SHISA5: variants seen among roughly 807,000 people sequenced by gnomAD.
The protein encoded by SHISA5 is shisa family member 5, also known as protein shisa-5.
SHISA5 carries 21 observed loss-of-function variants against 27.5 expected under a neutral mutation model. That is an observed-to-expected ratio of 0.76 (90% CI 0.54 to 1.10). The LOEUF (loss-of-function observed/expected upper bound fraction) is 1.10. Among genes scored for constraint, SHISA5 ranks in the 50% least tolerant of loss-of-function variants. SHISA5 has a pLI of 0.00. For missense variants in SHISA5, 314 were observed against 336.3 expected, an observed-to-expected ratio of 0.93 and a Z score of 0.52; for synonymous variants, 137 against 142.2, an observed-to-expected ratio of 0.96 and a Z score of 0.26.
At position 48,473,101 on chromosome 3, in the gene SHISA5, C is replaced by T; in HGVS notation, c.315-3258G>A. 1.3e-6 allele frequency: 2 copies of T among 1,489,184 alleles called. No homozygotes were observed. Among genetic ancestry groups the T allele is most frequent in the Non-Finnish European group, 1.8e-6 (2 of 1,126,198 alleles). 92.2% of individuals were successfully genotyped at this position (1,489,184 alleles called of 1,614,324 possible). A position where few individuals can be genotyped will look rare whatever the true frequency, so the allele number is the denominator to read the frequency against. ...TGGGCCACTCAGTTTCAATTTCCTC[C>T]CCTTTTGGAGAAAAAGAAAGCAAAT... On this transcript the variant is annotated intron_variant, in intron 3 of 5. Transcript: ENST00000296444. The surrounding 1 kb of genome is among the most constrained non-coding windows in gnomAD (Gnocchi z 4.3).
intron 3 of SHISA5, among the ~76,000 whole-genome samples, chr3:48,477,825 C>A (rs2040873877): frequency 6.6e-6 from 1 of 152,208 alleles, no homozygotes; most frequent in Admixed American, 6.5e-5. Context: ...ATGTAAGTCT[C>A]CATCCTCACC....
chr3:48,473,049 C>A lies in SHISA5; in HGVS notation c.315-3206G>T. ...TGCCTTCACCCAGAGGCCTCCTGTA[C>A]CCCTGGGCTTTCCCCTCTTCCCATC... On this transcript the variant is annotated intron_variant, in intron 3 of 5. Coordinates refer to ENST00000296444, the MANE Select transcript of SHISA5 (RefSeq NM_016479.6). The surrounding 1 kb of genome is among the most constrained non-coding windows in gnomAD (Gnocchi z 4.3). 3 of 1,531,542 alleles carry A rather than the reference C, an allele frequency of 2.0e-6. No individual in the cohort carries two copies. The highest frequency in any genetic ancestry group is 2.0e-5 in the Admixed American group (1 of 49,570). 94.9% of individuals were successfully genotyped at this position (1,531,542 alleles called of 1,614,324 possible). A position where few individuals can be genotyped will look rare whatever the true frequency, so the allele number is the denominator to read the frequency against.
In SHISA5 at chr3:48,467,987, G is replaced by A. The variant is rs1287590296; in HGVS notation, c.*1120C>T. 1.5e-5 allele frequency: 4 copies of A among 273,330 alleles called. No homozygotes were observed. The highest frequency in any genetic ancestry group is 1.9e-5 in the Non-Finnish European group (3 of 156,322). 16.9% of individuals were successfully genotyped at this position (273,330 alleles called of 1,614,324 possible). A position where few individuals can be genotyped will look rare whatever the true frequency, so the allele number is the denominator to read the frequency against. The stretch of plus-strand genomic sequence containing the variant: ...ACAGTAATAGAGGGAGGAGGAACAC[G>A]AGGTATTCATGTCTGGGCCAGAGCT... On this transcript the variant is annotated 3_prime_UTR_variant, in exon 6 of 6. Coordinates refer to ENST00000296444, the MANE Select transcript of SHISA5 (RefSeq NM_016479.6).
intron 2 of SHISA5, among the ~76,000 whole-genome samples, chr3:48,479,889 C>A (rs1472815687): frequency 6.6e-6 from 1 of 150,680 alleles, no homozygotes; most frequent in African/African-American, 2.5e-5. Flanking sequence ...CCACACCTGG[C>A]CTACATTTCC....
rs950182306 is a variant in SHISA5, at chr3:48,470,112, A to C, written c.315-269T>G. Among the ~76,000 whole-genome samples the C allele has an allele frequency of 2.6e-5, 4 of 152,186 alleles. No individual in the cohort carries two copies. Among genetic ancestry groups the C allele is most frequent in the Non-Finnish European group, 5.9e-5 (4 of 68,024 alleles). The stretch of plus-strand genomic sequence containing the variant: ...GGAAGCTCTTCAAGTCCCATGCCAC[A>C]CACATACATCTATCTTGTCCACCTC... On this transcript the variant is annotated intron_variant, in intron 3 of 5. Transcript: ENST00000296444. The surrounding 1 kb of genome is among the most constrained non-coding windows in gnomAD (Gnocchi z 4.3).
chr3:48,469,837 T>C lies in SHISA5; in HGVS notation c.321A>G (p.Gly107=). The C allele has an allele frequency of 6.2e-7, 1 of 1,613,160 alleles. No homozygotes were observed. The highest frequency in any genetic ancestry group is 8.5e-7 in the Non-Finnish European group (1 of 1,179,590). Residue 107 remains glycine (G), a synonymous_variant, in exon 4 of 6, where the codon GGA becomes GGG. Transcript: ENST00000296444. The surrounding 1 kb of genome is among the most constrained non-coding windows in gnomAD (Gnocchi z 4.6). The stretch of plus-strand genomic sequence containing the variant: ...TGGTCAGGCCAACGGCCAAGGTCGC[T>C]CCGAACCTGCCAAAGAGCTAGACGT... ...PGYNDPMSGF[G]ATLAVGLTIF...
intron 2 of SHISA5, among the ~76,000 whole-genome samples, chr3:48,492,847 T>C (rs2041473737): frequency 6.8e-6 from 1 of 147,192 alleles, no homozygotes; most frequent in South Asian, 2.1e-4. Context: ...ATGGAGTTGT[T>C]TTCAGCCTCC....
At position 48,504,119 on chromosome 3, in the gene SHISA5, G is replaced by C. The variant is rs1560138388; in HGVS notation, c.-25C>G. The C allele has an allele frequency of 9.9e-6, 12 of 1,208,590 alleles. No homozygotes were observed. Among genetic ancestry groups the C allele is most frequent in the South Asian group, 2.2e-5 (1 of 45,078 alleles). The allele number at this position is 1,208,590 out of a possible 1,614,324, so 74.9% of individuals were successfully genotyped here. ...TGGCTGGGCGGGCGGACGGGCGGAC[G>C]GACGCGAGCGCCGGGCGCAGTGCCG... On this transcript the variant is annotated 5_prime_UTR_variant, in exon 1 of 6. Coordinates refer to ENST00000296444, the MANE Select transcript of SHISA5 (RefSeq NM_016479.6). This position sits in a 1 kb window ranked among gnomAD's most constrained non-coding sequence, Gnocchi z 4.0.
chr3:48,500,595 G>A (rs150138370), intron 2 of SHISA5, among the ~76,000 whole-genome samples: 2 of 152,226 alleles, frequency 1.3e-5, no homozygotes, highest in East Asian at 3.9e-4. Flanking sequence ...ACGGCAAAGA[G>A]CCACACACAG....
In SHISA5 at chr3:48,468,977, G is replaced by A. The variant is rs1470121399; in HGVS notation, c.*130C>T. On this transcript the variant is annotated 3_prime_UTR_variant, in exon 6 of 6. Coordinates refer to ENST00000296444, the MANE Select transcript of SHISA5 (RefSeq NM_016479.6). ...CACATATACAGGCAGGACACACACAGCACACATGGGGCGTAAGGAACCGTG... is the reference window on the plus strand; with the variant it reads ...CACATATACAGGCAGGACACACACAACACACATGGGGCGTAAGGAACCGTG... The A allele has an allele frequency of 1.3e-6, 2 of 1,569,352 alleles. No individual in the cohort carries two copies. Among genetic ancestry groups the A allele is most frequent in the Admixed American group, 3.5e-5 (2 of 57,890 alleles).
chr3:48,502,999 G>A, intron 1 of SHISA5: 1 of 783,556 alleles, frequency 1.3e-6, no homozygotes. Flanking sequence ...GGGGGGAACT[G>A]CACTTCTTGG....
chr3:48,482,244 C>T (rs550110150), intron 2 of SHISA5, among the ~76,000 whole-genome samples: 5 of 151,740 alleles, frequency 3.3e-5, no homozygotes, highest in African/African-American at 7.3e-5. Context: ...AGACTAACCA[C>T]GAAAAAGGAG....
In SHISA5 at chr3:48,468,150, C is replaced by CA. The variant is rs1165139925; in HGVS notation, c.*956dup. The stretch of plus-strand genomic sequence containing the variant: ...GCTGGTGTCGGGAAGCAGGGACTCA[C>CA]AGTTGCCAGGTTGTCCATCTCTGAG... On this transcript the variant is annotated 3_prime_UTR_variant, in exon 6 of 6. Coordinates refer to ENST00000296444, the MANE Select transcript of SHISA5 (RefSeq NM_016479.6). 1 of 1,000,366 alleles carries CA rather than the reference C, an allele frequency of 1.0e-6. No homozygotes were observed. The highest frequency in any genetic ancestry group is 1.7e-5 in the African/African-American group (1 of 57,386). 62.0% of individuals were successfully genotyped at this position (1,000,366 alleles called of 1,614,324 possible). A position where few individuals can be genotyped will look rare whatever the true frequency, so the allele number is the denominator to read the frequency against.
At chr3:48,480,700 A>G (rs1397109584) in intron 2 of SHISA5, among the ~76,000 whole-genome samples, 1 of 152,108 alleles carries the variant, frequency 6.6e-6, no homozygotes, top group Non-Finnish European at 1.5e-5. Flanking sequence ...CGGAGGTTGC[A>G]GTAAGCTCAG....
chr3:48,498,291 C>T (rs951287728), intron 2 of SHISA5, among the ~76,000 whole-genome samples: 3 of 152,150 alleles, frequency 2.0e-5, no homozygotes, highest in East Asian at 1.9e-4. Context: ...CCCCTAAACT[C>T]GGAAACAAGA....
At chr3:48,504,273 G>A (rs937920192), upstream of SHISA5, 8 of 372,962 alleles carry the variant, frequency 2.1e-5, no homozygotes, top group African/African-American at 8.4e-5. This position sits in a 1 kb window ranked among gnomAD's most constrained non-coding sequence, Gnocchi z 4.0. Flanking sequence ...GGAGGGAGGA[G>A]GGAGGAAGGT....
intron 3 of SHISA5, among the ~76,000 whole-genome samples, chr3:48,474,002 CAAAAAAA>C (rs71625877): frequency 2.8e-5 from 2 of 70,306 alleles, no homozygotes; most frequent in Non-Finnish European, 6.3e-5. Context: ...GAATCTGTCT[CAAAAAAA>C]AAAAAAAAAA....
At chr3:48,503,750 A>C in intron 1 of SHISA5, 2 of 1,215,290 alleles carry the variant, frequency 1.6e-6, no homozygotes, top group Non-Finnish European at 1.0e-6. Flanking sequence ...ATCCCCTGGA[A>C]CATGGGCGGG....
chr3:48,474,989 C>G (rs1412890063), intron 3 of SHISA5, among the ~76,000 whole-genome samples: 1 of 152,156 alleles, frequency 6.6e-6, no homozygotes, highest in Non-Finnish European at 1.5e-5. Context: ...AACACACACT[C>G]TGTTGTGTGT....
Sources: gnomAD v4.1 joint callset for allele counts (sites outside exome capture counted in the v4.1 genomes callset) on GRCh38, gnomAD v4.1.1 for gene constraint, Gnocchi (gnomAD v3.1) non-coding constraint, MANE v1.5 for transcripts, NCBI Gene and HGNC (gene_info 2026-07-23, HGNC 2026-07-21) for gene names.